The following CACNA1E variants were observed in gnomAD, a reference collection of about 807,000 sequenced individuals.
CACNA1E encodes the protein calcium voltage-gated channel subunit alpha1 E.
CACNA1E carries 40 observed loss-of-function variants against 259.2 expected under a neutral mutation model. The ratio of observed to expected loss-of-function variants is 0.15; its 90% CI spans 0.12 to 0.20. The LOEUF is 0.20. Among genes scored for constraint, CACNA1E ranks in the 10% least tolerant of loss-of-function variants. The probability of loss-of-function intolerance (pLI) is 1.00; values close to 1 mark genes in which losing one functional copy is unlikely to be tolerated. For missense variants in CACNA1E, 1,874 were observed against 3,040.1 expected, an observed-to-expected ratio of 0.62 and a Z score of 9.02; for synonymous variants, 1,104 against 1,138.5, an observed-to-expected ratio of 0.97 and a Z score of 0.61.
chr1:181,654,578 T>C (rs1418827423), intron 7 of CACNA1E, among the ~76,000 whole-genome samples: 1 of 152,164 alleles, frequency 6.6e-6, no homozygotes, highest in Non-Finnish European at 1.5e-5. Context: ...TGTCCATAAC[T>C]GGGAGATTAT....
At chr1:181,552,635 A>G (rs1036690302) in intron 3 of CACNA1E, among the ~76,000 whole-genome samples, 3 of 152,160 alleles carry the variant, frequency 2.0e-5, no homozygotes, top group Non-Finnish European at 4.4e-5. Flanking sequence ...AACATTTTTT[A>G]AAATCATTAT....
At chr1:181,553,328 C>G (rs1018358180) in intron 3 of CACNA1E, among the ~76,000 whole-genome samples, 3 of 152,094 alleles carry the variant, frequency 2.0e-5, no homozygotes, top group Non-Finnish European at 2.9e-5. Context: ...TATAGGAATG[C>G]TTGTGATTTT....
chr1:181,459,694 C>A (rs1488578983), intron 2 of CACNA1E, among the ~76,000 whole-genome samples: 1 of 152,226 alleles, frequency 6.6e-6, no homozygotes, highest in Non-Finnish European at 1.5e-5. Context: ...GTTGTCACTG[C>A]AGTGACTGAC....
At chr1:181,704,985 A>G (rs1652650947) in intron 7 of CACNA1E, among the ~76,000 whole-genome samples, 1 of 152,174 alleles carries the variant, frequency 6.6e-6, no homozygotes, top group Non-Finnish European at 1.5e-5. Flanking sequence ...GGCTGGAGCT[A>G]GGCTTTCATC....
At chr1:181,740,348 A>G (rs1656450733) in intron 25 of CACNA1E, among the ~76,000 whole-genome samples, 2 of 152,192 alleles carry the variant, frequency 1.3e-5, no homozygotes, top group Non-Finnish European at 2.9e-5. Context: ...GTTTAGAAAG[A>G]GATCACCCTT....
intron 36 of CACNA1E, 157 bp downstream of exon 36, chr1:181,771,541 C>T: frequency 1.6e-6 from 1 of 608,750 alleles, no homozygotes; most frequent in South Asian, 2.0e-5. Flanking sequence ...CAAACTGCCC[C>T]TATAACATTA....
intron 37 of CACNA1E, among the ~76,000 whole-genome samples, chr1:181,774,770 A>C (rs187125728): frequency 6.1e-4 from 93 of 152,354 alleles, no homozygotes; most frequent in Admixed American, 3.9e-3. Context: ...CCCTGTCTGC[A>C]TATCTGGCAC....
intron 1 of CACNA1E, among the ~76,000 whole-genome samples, chr1:181,333,908 G>A (rs1651486026): frequency 6.6e-6 from 1 of 152,156 alleles, no homozygotes; most frequent in African/African-American, 2.4e-5. Flanking sequence ...ACCCACCTTG[G>A]CCTCCCAAAG....
intron 3 of CACNA1E, among the ~76,000 whole-genome samples, chr1:181,543,440 A>G (rs936280415): frequency 7.9e-5 from 12 of 152,338 alleles, no homozygotes; most frequent in East Asian, 1.9e-4. Flanking sequence ...CCAGTCCCCA[A>G]TGTAATGATA....
intron 2 of CACNA1E, among the ~76,000 whole-genome samples, chr1:181,429,862 A>T (rs1041871592): frequency 1.3e-5 from 2 of 152,192 alleles, no homozygotes; most frequent in Non-Finnish European, 2.9e-5. Context: ...ATGTATATAG[A>T]TGTATATATT....
rs115203114 is a variant in CACNA1E, at chr1:181,666,048, C to T, written c.1055+14607C>T. ...TGAGTTAATCCTGGTATCTTCTCCTCACTTATTCTCTGGGCCTAATTGCTC... is the reference window on the plus strand; with the variant it reads ...TGAGTTAATCCTGGTATCTTCTCCTTACTTATTCTCTGGGCCTAATTGCTC... On this transcript the variant is annotated intron_variant, in intron 7 of 47. Transcript: ENST00000367573. 6.3e-3 allele frequency among the ~76,000 whole-genome samples: 959 copies of T among 152,228 alleles called. 10 individuals are homozygous for T. The highest frequency in any genetic ancestry group is 0.022 in the African/African-American group (921 of 41,566).
At chr1:181,716,587 A>G (rs1174642248) in intron 10 of CACNA1E, among the ~76,000 whole-genome samples, 2 of 152,190 alleles carry the variant, frequency 1.3e-5, no homozygotes, top group African/African-American at 4.8e-5. Flanking sequence ...CTGATTGGCA[A>G]TTATTTAACA....
intron 32 of CACNA1E, among the ~76,000 whole-genome samples, chr1:181,759,076 C>G (rs1020681555): frequency 6.6e-6 from 1 of 152,184 alleles, no homozygotes; most frequent in African/African-American, 2.4e-5. Flanking sequence ...CAGCCATCAG[C>G]CTGGTCCTGT....
chr1:181,737,146 G>GT (rs1409898003), intron 22 of CACNA1E, among the ~76,000 whole-genome samples: 1 of 152,194 alleles, frequency 6.6e-6, no homozygotes, highest in Non-Finnish European at 1.5e-5. Context: ...CTCTTTTTAT[G>GT]TTTTTTGGTT....
rs373480042 is a variant in CACNA1E, at chr1:181,736,288, G to A, written c.3276G>A (p.Thr1092=). The part of the protein sequence containing the change: ...DSTVVHISNK[T]DGEASPLKEA... The stretch of plus-strand genomic sequence containing the variant: ...TTCCTCTTGCAGTTAGCAACAAGAC[G>A]GATGGGGAAGCCAGTCCCTTGAAGG... The change falls in exon 22 of 48, where the codon ACG becomes ACA. Residue 1092 remains threonine (T), a synonymous_variant. Transcript: ENST00000367573. 4.7e-5 allele frequency: 75 copies of A among 1,592,462 alleles called. No homozygotes were observed. The highest frequency in any genetic ancestry group is 5.7e-5 in the Non-Finnish European group (67 of 1,169,190).
At chr1:181,523,636 T>C (rs953460315) in intron 3 of CACNA1E, among the ~76,000 whole-genome samples, 24 of 152,204 alleles carry the variant, frequency 1.6e-4, no homozygotes, top group African/African-American at 5.3e-4. Flanking sequence ...ACCATGTTGT[T>C]AAGGGGCTAT....
chr1:181,803,462 G>C lies in CACNA1E; in HGVS notation c.*4628G>C, dbSNP rs1662419328. 6.6e-6 allele frequency: 1 copy of C among 152,206 alleles called. No homozygotes were observed. The highest frequency in any genetic ancestry group is 1.5e-5 in the Non-Finnish European group (1 of 68,050). 9.4% of individuals were successfully genotyped at this position (152,206 alleles called of 1,614,324 possible). ...AAGAGATCCTACATTAATAAGCACT[G>C]CCTGTAGCACCAGCTTTGTCTTTTT... On this transcript the variant is annotated 3_prime_UTR_variant, in exon 48 of 48. Coordinates refer to ENST00000367573, the MANE Select transcript of CACNA1E (RefSeq NM_001205293.3).
rs543166285 is a variant in CACNA1E, at chr1:181,505,324, C to T, written c.267-5153C>T. On this transcript the variant is annotated intron_variant, in intron 1 of 47. Transcript: ENST00000367573. ...CTGCTACCGAGAGAAGACTCATCAT[C>T]CTTCCAGCAAGACAGAATTTTTTCT... is the stretch of plus-strand genomic sequence containing the variant. 2.6e-5 allele frequency among the ~76,000 whole-genome samples: 4 copies of T among 152,238 alleles called. No individual in the cohort carries two copies. The East Asian group carries it at 5.8e-4, about 22-fold the overall frequency.
intron 1 of CACNA1E, among the ~76,000 whole-genome samples, chr1:181,325,718 A>G (rs532328620): frequency 2.6e-5 from 4 of 152,008 alleles, no homozygotes; most frequent in Non-Finnish European, 5.9e-5. Context: ...TAGGCCAAGG[A>G]AATAGGAGAT....
Sources: allele counts gnomAD v4.1 joint callset (sites outside exome capture counted in the v4.1 genomes callset), GRCh38; gene constraint gnomAD v4.1.1; transcripts MANE v1.5; gene names NCBI Gene and HGNC (gene_info 2026-07-23, HGNC 2026-07-21).